Variants in WNT11 observed in about 807,000 individuals in gnomAD.
WNT11 encodes the protein protein Wnt-11.
In WNT11, 20 loss-of-function variants were observed where a neutral mutation model predicts 35.6. That is an observed-to-expected ratio of 0.56 (90% confidence interval 0.40 to 0.82). The LOEUF (loss-of-function observed/expected upper bound fraction) is 0.82. Ranked by LOEUF, WNT11 falls within the 40% of genes least tolerant of loss-of-function variation. The pLI, the probability that WNT11 is intolerant of heterozygous loss-of-function variation, is 0.00. For missense variants in WNT11, 459 were observed against 504.4 expected, an observed-to-expected ratio of 0.91 and a Z score of 0.86; for synonymous variants, 200 against 211.9, an observed-to-expected ratio of 0.94 and a Z score of 0.49.
chr11:76,193,237 C>A (rs1953211815), intron 3 of WNT11, among the ~76,000 whole-genome samples: 1 of 152,236 alleles, frequency 6.6e-6, no homozygotes. Flanking sequence ...CTCATTTAAT[C>A]CTCACGCAGC....
intron 2 of WNT11, among the ~76,000 whole-genome samples, chr11:76,195,889 G>A (rs2134582735): frequency 6.6e-6 from 1 of 152,322 alleles, no homozygotes; most frequent in Admixed American, 6.5e-5. Context: ...AGTTATCATA[G>A]TGCAGGGGAG....
At chr11:76,206,575 G>C (rs1027712875), upstream of WNT11, 61 of 1,196,814 alleles carry the variant, frequency 5.1e-5, no homozygotes, top group Non-Finnish European at 6.3e-5. Context: ...AATTACAAAG[G>C]AGGGGTCGGG....
rs1953109941 is a variant in WNT11, at chr11:76,187,184, G to T, written c.946C>A (p.Arg316Ser). The change falls in exon 5 of 5, where the codon CGT (arginine) becomes AGT (serine). Residue 316 changes from arginine to serine, a missense_variant. Coordinates refer to ENST00000322563, the MANE Select transcript of WNT11 (RefSeq NM_004626.3). ...CGGTCTGTGTAGGGGTTGTAGCCAC[G>T]CCCGCAGCACATAAGGTCGCAGCTG... ...SDSCDLMCCG[R>S]GYNPYTDRVV... The T allele has an allele frequency of 6.2e-7, 1 of 1,610,136 alleles. No individual in the cohort carries two copies. The highest frequency in any genetic ancestry group is 8.5e-7 in the Non-Finnish European group (1 of 1,180,004).
Position 76,194,747 on chromosome 11 carries a change from G to A in WNT11, c.417C>T (p.Ser139=), listed in dbSNP as rs753850088. The change falls in exon 3 of 5, where the codon TCC becomes TCT. Residue 139 remains serine (S), a synonymous_variant. Transcript: ENST00000322563. The surrounding 1 kb of genome is among the most constrained non-coding windows in gnomAD (Gnocchi z 5.4). ...GTGGCTCACCTGGGACGGGGCCGCA[G>A]GAGCAGCCGGGCAGGTCGCCGGAGG... ...ACTSGDLPGC[S]CGPVPGEPPG... 2 of 1,552,200 alleles carry A rather than the reference G, an allele frequency of 1.3e-6. No individual in the cohort carries two copies. The highest frequency in any genetic ancestry group is 1.7e-6 in the Non-Finnish European group (2 of 1,148,496).
At chr11:76,200,128 G>A (rs12289416) in intron 1 of WNT11, among the ~76,000 whole-genome samples, 37,702 of 151,594 alleles carry the variant, frequency 0.25, 4,743 homozygotes, top group Middle Eastern at 0.29. Context: ...AGCAGGGCCT[G>A]GTGTCTGTGG....
chr11:76,199,557 C>A (rs1264658705), intron 1 of WNT11, among the ~76,000 whole-genome samples: 1 of 151,992 alleles, frequency 6.6e-6, no homozygotes, highest in Non-Finnish European at 1.5e-5. Flanking sequence ...GTAATCCCAG[C>A]AATTTGGGAG....
intron 2 of WNT11, among the ~76,000 whole-genome samples, chr11:76,195,565 C>T (rs749386772): frequency 1.3e-5 from 2 of 152,232 alleles, no homozygotes; most frequent in Admixed American, 1.3e-4. Flanking sequence ...CGATTTCAGA[C>T]TTCCGGCCTC....
chr11:76,204,208 GTTATTC>G (rs1017341929), intron 1 of WNT11, among the ~76,000 whole-genome samples: 3 of 152,172 alleles, frequency 2.0e-5, no homozygotes, highest in Admixed American at 2.0e-4. Context: ...ACAGATCGTT[GTTATTC>G]TTAAACTCCA....
chr11:76,210,174 G>A (rs1358573167), upstream of WNT11, among the ~76,000 whole-genome samples: 8 of 152,074 alleles, frequency 5.3e-5, no homozygotes, highest in African/African-American at 1.7e-4. Flanking sequence ...GGGGGCAGAA[G>A]AGGGGGGCCG....
chr11:76,203,445 C>T (rs1953418030), intron 1 of WNT11, among the ~76,000 whole-genome samples: 1 of 152,192 alleles, frequency 6.6e-6, no homozygotes. Flanking sequence ...TTCCTCTCAC[C>T]CCACCGCTTC....
At chr11:76,204,058 T>G (rs916374037) in intron 1 of WNT11, among the ~76,000 whole-genome samples, 1 of 152,182 alleles carries the variant, frequency 6.6e-6, no homozygotes, top group Non-Finnish European at 1.5e-5. Flanking sequence ...GTTGGGATAT[T>G]TAAATGGAAC....
At chr11:76,201,060 G>A (rs1748131143) in intron 1 of WNT11, among the ~76,000 whole-genome samples, 1 of 152,220 alleles carries the variant, frequency 6.6e-6, no homozygotes, top group Non-Finnish European at 1.5e-5. Flanking sequence ...CCTAGGCTGG[G>A]ACCCTGGGGT....
Position 76,194,473 on chromosome 11 carries a change from C to A in WNT11, c.597+94G>T. The stretch of plus-strand genomic sequence containing the variant: ...GTGTGGGCCAGTCAGGGCCCGTCCC[C>A]CCGCACCCCCCACCACTGGGGCAAG... On this transcript the variant is annotated intron_variant, in intron 3 of 4. Transcript: ENST00000322563. This position sits in a 1 kb window ranked among gnomAD's most constrained non-coding sequence, Gnocchi z 5.4. 1 of 1,445,088 alleles carries A rather than the reference C, an allele frequency of 6.9e-7. No individual in the cohort carries two copies. Among genetic ancestry groups the A allele is most frequent in the Non-Finnish European group, 9.2e-7 (1 of 1,081,770 alleles). The allele number at this position is 1,445,088 out of a possible 1,614,324, so 89.5% of individuals were successfully genotyped here. A position where few individuals can be genotyped will look rare whatever the true frequency, so the allele number is the denominator to read the frequency against.
Position 76,191,670 on chromosome 11 carries a change from C to G in WNT11, c.784G>C (p.Asp262His). 1 of 1,614,072 alleles carries G rather than the reference C, an allele frequency of 6.2e-7. No individual in the cohort carries two copies. Among genetic ancestry groups the G allele is most frequent in the African/African-American group, 1.3e-5 (1 of 75,052 alleles). The change falls in exon 4 of 5, where the codon GAC (aspartate) becomes CAC (histidine). Residue 262 changes from aspartate (D) to histidine (H), a missense_variant. Transcript: ENST00000322563. ...MGTRKHLVPK[D>H]LDIRPVKDSE... ...TCCTTCACAGGCCGGATATCCAGGT[C>G]CTTGGGCACCAGGTGCTTGCGGGTG...
In WNT11 at chr11:76,194,338, T is replaced by C. The variant is rs891965023; in HGVS notation, c.597+229A>G. Among the ~76,000 whole-genome samples the C allele has an allele frequency of 2.6e-5, 4 of 151,878 alleles. No homozygotes were observed. In the South Asian group the frequency reaches 8.3e-4, roughly 32 times the overall value. On this transcript the variant is annotated intron_variant, in intron 3 of 4. Transcript: ENST00000322563. This position sits in a 1 kb window ranked among gnomAD's most constrained non-coding sequence, Gnocchi z 5.4. ...CTGACTCCTAGTTCAGTGCTCCCTC[T>C]GCTTGGACAACCCAAACCCCAGTGG... is the stretch of plus-strand genomic sequence containing the variant.
In WNT11 at chr11:76,186,862, T is replaced by C. The variant is rs1459905881; in HGVS notation, c.*203A>G. 2.6e-6 allele frequency: 2 copies of C among 772,446 alleles called. No homozygotes were observed. The highest frequency in any genetic ancestry group is 2.0e-5 in the Admixed American group (1 of 49,576). 47.8% of individuals were successfully genotyped at this position (772,446 alleles called of 1,614,324 possible). A position where few individuals can be genotyped will look rare whatever the true frequency, so the allele number is the denominator to read the frequency against. ...TTATTTTTAATCTTGTCGGTTTCCT[T>C]TGATGTCCTGCCCTCCTTCCAGGGT... On this transcript the variant is annotated 3_prime_UTR_variant, in exon 5 of 5. Coordinates refer to ENST00000322563, the MANE Select transcript of WNT11 (RefSeq NM_004626.3).
At chr11:76,205,519 T>C (rs2134605637) in intron 1 of WNT11, among the ~76,000 whole-genome samples, 1 of 152,320 alleles carries the variant, frequency 6.6e-6, no homozygotes, top group Admixed American at 6.5e-5. Flanking sequence ...GCTTCCTTCC[T>C]CTAGGCCTCC....
chr11:76,210,309 G>T, upstream of WNT11: 1 of 541,792 alleles, frequency 1.8e-6, no homozygotes, highest in Non-Finnish European at 2.4e-6. Context: ...TCGGAGTGCT[G>T]CGGGGGAAAG....
chr11:76,206,524 C>G, upstream of WNT11: 1 of 1,226,868 alleles, frequency 8.2e-7, no homozygotes, highest in Non-Finnish European at 1.0e-6. Flanking sequence ...GCGGAGGCGG[C>G]GGGTTAAGGC....
Sources: allele counts gnomAD v4.1 joint callset (sites outside exome capture counted in the v4.1 genomes callset), GRCh38; gene constraint gnomAD v4.1.1; non-coding constraint Gnocchi (gnomAD v3.1); transcripts MANE v1.5; gene names NCBI Gene and HGNC (gene_info 2026-07-23, HGNC 2026-07-21).